The following FRMD6 variants were observed in gnomAD, a reference collection of about 807,000 sequenced individuals.
FRMD6 encodes the protein FERM domain containing 6, also known as FERM domain-containing protein 6.
FRMD6 carries 37 observed loss-of-function variants against 73.2 expected under a neutral mutation model. The ratio of observed to expected loss-of-function variants is 0.51; its 90% CI spans 0.39 to 0.66. The LOEUF (loss-of-function observed/expected upper bound fraction) is 0.66. Ranked by LOEUF, FRMD6 falls within the 30% of genes least tolerant of loss-of-function variation. The probability of loss-of-function intolerance (pLI) is 0.00; values close to 1 mark genes in which losing one functional copy is unlikely to be tolerated. For missense variants in FRMD6, 714 were observed against 780.5 expected (o/e 0.91, Z 1.02); for synonymous variants, 273 against 282.2 (o/e 0.97, Z 0.33).
chr14:51,562,074 G>A (rs769822000), intron 1 of FRMD6, among the ~76,000 whole-genome samples: 28 of 152,062 alleles, frequency 1.8e-4, no homozygotes, highest in Admixed American at 1.3e-4. Flanking sequence ...GCCCAAGTCC[G>A]GCATCAATTG....
chr14:51,634,560 T>A (rs1318452989), intron 2 of FRMD6, among the ~76,000 whole-genome samples: 8 of 152,118 alleles, frequency 5.3e-5, no homozygotes, highest in Admixed American at 4.6e-4. Flanking sequence ...GAAATTCAAG[T>A]ACTCTTGGGA....
chr14:51,548,633 T>C (rs1044176922), intron 1 of FRMD6, among the ~76,000 whole-genome samples: 1 of 152,230 alleles, frequency 6.6e-6, no homozygotes, highest in African/African-American at 2.4e-5. Flanking sequence ...CTCAATTTTT[T>C]GGAAGGGGAA....
chr14:51,427,772 T>A, the FRMD6 span, among the ~76,000 whole-genome samples: 1 of 152,202 alleles, frequency 6.6e-6, no homozygotes, highest in Non-Finnish European at 1.5e-5. Context: ...TTTCAGGAAG[T>A]TTGCAAGCTT....
chr14:51,459,414 C>T, the FRMD6 span, among the ~76,000 whole-genome samples: 1 of 152,104 alleles, frequency 6.6e-6, no homozygotes, highest in African/African-American at 2.4e-5. Flanking sequence ...TGTTCAAAAC[C>T]CTCTTTAGGT....
chr14:51,660,803 A>G (rs1566540510), intron 1 of FRMD6, among the ~76,000 whole-genome samples: 1 of 152,076 alleles, frequency 6.6e-6, no homozygotes, highest in Non-Finnish European at 1.5e-5. Context: ...TTGGTGGAGT[A>G]TAGTCAAGGT....
At chr14:51,511,870 TATAATA>T (rs147559656) in intron 1 of FRMD6, among the ~76,000 whole-genome samples, 3 of 150,308 alleles carry the variant, frequency 2.0e-5, no homozygotes, top group South Asian at 2.1e-4. Flanking sequence ...GAACTTAAAG[TATAATA>T]ATAATAATAA....
chr14:51,647,752 T>C (rs1273749143), upstream of FRMD6, among the ~76,000 whole-genome samples: 5 of 152,212 alleles, frequency 3.3e-5, no homozygotes, highest in African/African-American at 9.6e-5. Context: ...CTGACTTCTC[T>C]CTTAGACTAG....
intron 2 of FRMD6, among the ~76,000 whole-genome samples, chr14:51,634,421 T>C (rs976082254): frequency 1.3e-5 from 2 of 152,206 alleles, no homozygotes; most frequent in Admixed American, 6.5e-5. Context: ...GCTTATCCTC[T>C]CTCCGAATTA....
chr14:51,440,564 T>A, the FRMD6 span, among the ~76,000 whole-genome samples: 1 of 152,296 alleles, frequency 6.6e-6, no homozygotes, highest in African/African-American at 2.4e-5. Flanking sequence ...ACCAGTGAGG[T>A]AGGCTACCCT....
intron 1 of FRMD6, among the ~76,000 whole-genome samples, chr14:51,498,089 G>C (rs1883405957): frequency 6.6e-6 from 1 of 152,146 alleles, no homozygotes; most frequent in Non-Finnish European, 1.5e-5. Context: ...TCTATGTTGT[G>C]CTTGCAAACT....
chr14:51,419,414 T>C, the FRMD6 span, among the ~76,000 whole-genome samples: 1 of 152,226 alleles, frequency 6.6e-6, no homozygotes, highest in Non-Finnish European at 1.5e-5. Context: ...TCCAAAGTGC[T>C]GGGATTACAG....
chr14:51,443,463 G>A, the FRMD6 span, among the ~76,000 whole-genome samples: 7 of 152,166 alleles, frequency 4.6e-5, no homozygotes, highest in African/African-American at 1.7e-4. Flanking sequence ...ATATGGCAAG[G>A]TTTATGGCTG....
At chr14:51,440,938 T>A in the FRMD6 span, among the ~76,000 whole-genome samples, 83 of 152,216 alleles carry the variant, frequency 5.5e-4, no homozygotes, top group Non-Finnish European at 1.0e-3. Flanking sequence ...CTATTAAGAT[T>A]TGGGGCTGTA....
At chr14:51,664,632 GGAAA>G (rs1470147317) in intron 1 of FRMD6, among the ~76,000 whole-genome samples, 2 of 152,184 alleles carry the variant, frequency 1.3e-5, no homozygotes, top group African/African-American at 4.8e-5. Flanking sequence ...AGAAAATGCC[GGAAA>G]GGGCGAAGAC....
intron 1 of FRMD6, among the ~76,000 whole-genome samples, chr14:51,527,824 C>A (rs1157981300): frequency 6.6e-6 from 1 of 152,178 alleles, no homozygotes; most frequent in Non-Finnish European, 1.5e-5. Flanking sequence ...GCTTCCACTG[C>A]AGTCAAATAT....
chr14:51,685,904 A>C (rs1184813315), intron 1 of FRMD6, among the ~76,000 whole-genome samples: 1 of 152,220 alleles, frequency 6.6e-6, no homozygotes, highest in Non-Finnish European at 1.5e-5. Context: ...TGATGATTAA[A>C]TTAGAAGATA....
At chr14:51,619,795 G>C (rs756025397) in intron 2 of FRMD6, among the ~76,000 whole-genome samples, 8 of 152,118 alleles carry the variant, frequency 5.3e-5, no homozygotes, top group Non-Finnish European at 1.2e-4. Context: ...TCAACAGCTG[G>C]ATTCCATATG....
chr14:51,683,017 C>T (rs1894907288), intron 1 of FRMD6, among the ~76,000 whole-genome samples: 1 of 152,174 alleles, frequency 6.6e-6, no homozygotes, highest in Admixed American at 6.5e-5. Context: ...GGTCAGCCAG[C>T]ACACATTTCA....
intron 6 of FRMD6, among the ~76,000 whole-genome samples, chr14:51,705,757 T>C (rs1310115172): frequency 6.6e-6 from 1 of 152,138 alleles, no homozygotes; most frequent in Non-Finnish European, 1.5e-5. Flanking sequence ...CTCATGGTGC[T>C]GCCTGTTAGG....
Sources: allele counts gnomAD v4.1 joint callset (sites outside exome capture counted in the v4.1 genomes callset), GRCh38; gene constraint gnomAD v4.1.1; transcripts MANE v1.5; gene names NCBI Gene and HGNC (gene_info 2026-07-23, HGNC 2026-07-21).